COL19A1: variants seen among roughly 807,000 people sequenced by gnomAD.
COL19A1 encodes the protein collagen type XIX alpha 1 chain.
Under a neutral mutation model 190.2 loss-of-function variants are expected in COL19A1, and 159 were observed. The ratio of observed to expected loss-of-function variants is 0.84; its 90% confidence interval spans 0.73 to 0.95. The LOEUF is 0.95. Among genes scored for constraint, COL19A1 ranks in the 40% least tolerant of loss-of-function variants. The probability of loss-of-function intolerance (pLI) is 0.00; values close to 1 mark genes in which losing one functional copy is unlikely to be tolerated. For synonymous variants in COL19A1, 509 were observed against 458.9 expected, an observed-to-expected ratio of 1.11 and a Z score of -1.39; for missense variants, 1,418 against 1,431.9, an observed-to-expected ratio of 0.99 and a Z score of 0.16.
chr6:69,894,605 T>C (rs1463733248), intron 2 of COL19A1, among the ~76,000 whole-genome samples: 3 of 152,156 alleles, frequency 2.0e-5, no homozygotes, highest in Admixed American at 6.5e-5. Flanking sequence ...ACACAGTACA[T>C]AGACATGCAG....
At chr6:69,894,598 C>A (rs1185327151) in intron 2 of COL19A1, among the ~76,000 whole-genome samples, 2 of 152,162 alleles carry the variant, frequency 1.3e-5, no homozygotes, top group South Asian at 2.1e-4. Flanking sequence ...GCATTAAACA[C>A]AGTACATAGA....
chr6:69,923,613 A>C (rs1321819800), intron 4 of COL19A1, among the ~76,000 whole-genome samples: 1 of 152,188 alleles, frequency 6.6e-6, no homozygotes, highest in East Asian at 1.9e-4. Flanking sequence ...GATCAAAAAA[A>C]TTTTTAAAGA....
At position 70,188,227 on chromosome 6, in the gene COL19A1, A is replaced by C. The variant is rs754433468; in HGVS notation, c.3009A>C (p.Pro1003=). The change falls in exon 47 of 51, where the codon CCA becomes CCC. Residue 1003 remains proline, a synonymous_variant. Transcript: ENST00000620364. The stretch of plus-strand genomic sequence containing the variant: ...GCCACCAAGGCCCTCCAGGCTCTCC[A>C]GGCATCCCTGGCATTCCGGTAAGTA... ...SPGHQGPPGS[P]GIPGIPADAV... 1 of 1,609,910 alleles carries C rather than the reference A, an allele frequency of 6.2e-7. No individual in the cohort carries two copies. The highest frequency in any genetic ancestry group is 1.7e-5 in the Admixed American group (1 of 59,240).
intron 4 of COL19A1, among the ~76,000 whole-genome samples, chr6:69,905,596 G>C (rs1770500693): frequency 6.6e-6 from 1 of 152,254 alleles, no homozygotes; most frequent in Non-Finnish European, 1.5e-5. Context: ...GTAGGGCCAA[G>C]GGATGGCCTT....
chr6:70,016,274 C>A (rs1444523246), intron 11 of COL19A1, among the ~76,000 whole-genome samples: 1 of 53,998 alleles, frequency 1.9e-5, no homozygotes. Flanking sequence ...CTAGATGACA[C>A]ATTAGTGGGT....
Position 70,144,195 on chromosome 6 carries a change from C to T in COL19A1, c.1627-15C>T, listed in dbSNP as rs1786455539. On this transcript the variant is annotated splice_polypyrimidine_tract_variant and intron_variant, in intron 23 of 50. Coordinates refer to ENST00000620364, the MANE Select transcript of COL19A1 (RefSeq NM_001858.6). ...TGTTCTCATTACTCTTTCCTATTAA[C>T]TCTGAGTTTTCTAGGGATTGCCAGG... 1 of 1,608,802 alleles carries T rather than the reference C, an allele frequency of 6.2e-7. No homozygotes were observed. The highest frequency in any genetic ancestry group is 1.3e-5 in the African/African-American group (1 of 74,816).
At chr6:70,071,072 T>G (rs766929109) in intron 15 of COL19A1, among the ~76,000 whole-genome samples, 10 of 152,104 alleles carry the variant, frequency 6.6e-5, no homozygotes, top group Non-Finnish European at 1.5e-4. Flanking sequence ...AAACAAATCA[T>G]TAACTTGTTG....
chr6:69,903,247 G>A (rs1450566991), intron 4 of COL19A1, among the ~76,000 whole-genome samples: 1 of 152,204 alleles, frequency 6.6e-6, no homozygotes, highest in Non-Finnish European at 1.5e-5. Context: ...AATCAAGGCA[G>A]CAGCAGTCCT....
At chr6:69,997,012 T>TACAC (rs1479193218) in intron 11 of COL19A1, among the ~76,000 whole-genome samples, 18 of 82,490 alleles carry the variant, frequency 2.2e-4, no homozygotes, top group African/African-American at 9.8e-4. Context: ...TGTTTATATA[T>TACAC]ACATATATAT....
At chr6:69,993,698 T>C (rs1776746841) in intron 11 of COL19A1, among the ~76,000 whole-genome samples, 1 of 152,160 alleles carries the variant, frequency 6.6e-6, no homozygotes, top group South Asian at 2.1e-4. Context: ...GTTGTCTGTT[T>C]CTAGGAGTTT....
intron 42 of COL19A1, among the ~76,000 whole-genome samples, chr6:70,178,449 A>G (rs1765952389): frequency 6.6e-6 from 1 of 152,176 alleles, no homozygotes; most frequent in Admixed American, 6.5e-5. Context: ...TACATACTAC[A>G]AACATGTTCA....
intron 5 of COL19A1, among the ~76,000 whole-genome samples, chr6:69,928,624 G>A (rs775459570): frequency 5.3e-5 from 8 of 152,142 alleles, no homozygotes; most frequent in Non-Finnish European, 1.2e-4. Context: ...CAGTGGTAGA[G>A]TTAAGCTTAG....
intron 19 of COL19A1, among the ~76,000 whole-genome samples, chr6:70,139,093 C>T (rs149359993): frequency 1.3e-4 from 20 of 152,152 alleles, no homozygotes; most frequent in African/African-American, 4.6e-4. Context: ...ACTGGAAAAT[C>T]GAGGATTTTT....
chr6:70,022,113 T>G (rs908485776), intron 11 of COL19A1, among the ~76,000 whole-genome samples: 1 of 152,136 alleles, frequency 6.6e-6, no homozygotes, highest in Non-Finnish European at 1.5e-5. Context: ...TAATATCAGG[T>G]GCTTGCTTTT....
intron 4 of COL19A1, among the ~76,000 whole-genome samples, chr6:69,916,294 G>A (rs552388739): frequency 6.6e-6 from 1 of 152,178 alleles, no homozygotes; most frequent in African/African-American, 2.4e-5. Flanking sequence ...GTTTACCTAT[G>A]TAACAAAACT....
At chr6:70,101,557 AG>A (rs1163257710) in intron 15 of COL19A1, among the ~76,000 whole-genome samples, 1 of 152,168 alleles carries the variant, frequency 6.6e-6, no homozygotes, top group Non-Finnish European at 1.5e-5. Context: ...TCTAAAGGGA[AG>A]AAAAGAGCTA....
At chr6:69,949,580 A>T (rs538111476) in intron 9 of COL19A1, among the ~76,000 whole-genome samples, 2 of 151,862 alleles carry the variant, frequency 1.3e-5, no homozygotes, top group Non-Finnish European at 2.9e-5. Flanking sequence ...TTTGGGGTGA[A>T]ATATTTCTGT....
chr6:70,116,251 A>C (rs1052285068), intron 16 of COL19A1, among the ~76,000 whole-genome samples: 1 of 152,214 alleles, frequency 6.6e-6, no homozygotes, highest in Non-Finnish European at 1.5e-5. Flanking sequence ...GGAAGAAGCA[A>C]GCCCTTTGCT....
chr6:70,047,368 A>G (rs916173319), intron 14 of COL19A1, among the ~76,000 whole-genome samples: 15 of 152,146 alleles, frequency 9.9e-5, no homozygotes, highest in African/African-American at 3.6e-4. Flanking sequence ...TGTGTTTATC[A>G]TAATAAGTAT....
Sources: allele counts gnomAD v4.1 joint callset (sites outside exome capture counted in the v4.1 genomes callset), GRCh38; gene constraint gnomAD v4.1.1; transcripts MANE v1.5; gene names NCBI Gene and HGNC (gene_info 2026-07-23, HGNC 2026-07-21).